Variants in PSMC5 observed in about 807,000 individuals in gnomAD.
PSMC5 encodes proteasome 26S subunit, ATPase 5.
A neutral mutation model predicts 49.1 loss-of-function variants in PSMC5; 11 were observed. That is an observed-to-expected ratio of 0.22 (90% CI 0.14 to 0.37). PSMC5 has a LOEUF of 0.37. PSMC5 is among the 10% of genes least tolerant of loss of function. The probability of loss-of-function intolerance (pLI) is 1.00; values close to 1 mark genes in which losing one functional copy is unlikely to be tolerated. For missense variants in PSMC5, 229 were observed against 520.9 expected (o/e 0.44, Z 5.45); for synonymous variants, 206 against 192.2 (o/e 1.07, Z -0.59).
rs758281110 is a variant in PSMC5, at chr17:63,831,277, G to A, written c.871-50G>A. 5.6e-6 allele frequency: 9 copies of A among 1,608,314 alleles called. No individual in the cohort carries two copies. In the East Asian group the frequency reaches 9.0e-5, roughly 16 times the overall value. On this transcript the variant is annotated intron_variant, in intron 8 of 11. Coordinates refer to ENST00000310144, the MANE Select transcript of PSMC5 (RefSeq NM_002805.6). The surrounding 1 kb of genome is among the most constrained non-coding windows in gnomAD (Gnocchi z 6.3). ...GGCCCAGGGAAGGCCTGGGTGCCAC[G>A]CAGGCTGAGGAAGAGGTTTAGCTGA...
In PSMC5 at chr17:63,827,534, G is replaced by T. The variant is rs76411035; in HGVS notation, c.24+20G>T. 6.6e-3 allele frequency: 10,189 copies of T among 1,551,498 alleles called. 559 individuals are homozygous for T. In the African/African-American group the frequency reaches 0.12, roughly 18 times the overall value. On this transcript the variant is annotated intron_variant, in intron 1 of 11. Coordinates refer to ENST00000310144, the MANE Select transcript of PSMC5 (RefSeq NM_002805.6). ...GAGCAGGTATGGCGGGTGCAGTGGC[G>T]GCCCGGCAGGTTACGGGGCTGGGTG... is the stretch of plus-strand genomic sequence containing the variant.
At chr17:63,828,465 C>A (rs563222489) in intron 2 of PSMC5, 34 of 352,076 alleles carry the variant, frequency 9.7e-5, no homozygotes, top group Admixed American at 9.7e-4. Flanking sequence ...AGTAAAGGTA[C>A]CTCTAGCCAA....
chr17:63,831,016 C>A lies in PSMC5; in HGVS notation c.680-20C>A. The A allele has an allele frequency of 6.3e-7, 1 of 1,592,380 alleles. No homozygotes were observed. The highest frequency in any genetic ancestry group is 8.6e-7 in the Non-Finnish European group (1 of 1,167,466). ...TAATAAGCTAATAAGCTCCCTAACA[C>A]CAGCTCGGCCTCCACACAGGGGCAA... On this transcript the variant is annotated intron_variant, in intron 7 of 11. Coordinates refer to ENST00000310144, the MANE Select transcript of PSMC5 (RefSeq NM_002805.6). The surrounding 1 kb of genome is among the most constrained non-coding windows in gnomAD (Gnocchi z 6.3).
In PSMC5 at chr17:63,830,465, T is replaced by C. The variant is rs370586480; in HGVS notation, c.516T>C (p.Pro172=). ...TGATCGAGCTGCCTGTTAAGCATCC[T>C]GAGCTCTTCGAAGCACTGGGCATTG... is the stretch of plus-strand genomic sequence containing the variant. ...KEVIELPVKH[P]ELFEALGIAQ... is the part of the protein sequence containing the mutation. The change falls in exon 6 of 12, where the codon CCT becomes CCC. Residue 172 remains proline (P), a synonymous_variant. Transcript: ENST00000310144. The surrounding 1 kb of genome is among the most constrained non-coding windows in gnomAD (Gnocchi z 4.0). 3 of 1,614,156 alleles carry C rather than the reference T, an allele frequency of 1.9e-6. No individual in the cohort carries two copies. Among genetic ancestry groups the C allele is most frequent in the Non-Finnish European group, 2.5e-6 (3 of 1,180,042 alleles).
chr17:63,828,083 G>A (rs974187913), intron 1 of PSMC5, 55 bp from the exon 2 acceptor site: 5 of 1,600,814 alleles, frequency 3.1e-6, no homozygotes, highest in African/African-American at 1.3e-5. Flanking sequence ...CCTGCAAGTG[G>A]CTTTACCCCC....
rs937504689 is a variant in PSMC5, at chr17:63,827,513, A to G, written c.23A>G (p.Gln8Arg). The change falls in exon 1 of 12, where the codon CAG (glutamine) becomes CGG (arginine). Residue 8 changes from glutamine (Q) to arginine (R), a missense_variant and splice_region_variant. Gln to Arg is a conservative substitution (Grantham distance 43). Transcript: ENST00000310144. MALDGPE[Q>R]MELEEGKAGS... is the part of the protein sequence containing the mutation. ...AAGATGGCGCTTGACGGACCAGAGC[A>G]GGTATGGCGGGTGCAGTGGCGGCCC... 6 of 1,551,630 alleles carry G rather than the reference A, an allele frequency of 3.9e-6. No individual in the cohort carries two copies. In the African/African-American group the frequency reaches 8.2e-5, roughly 21 times the overall value.
In PSMC5 at chr17:63,831,126, C is replaced by T. The variant is rs750595679; in HGVS notation, c.770C>T (p.Ser257Leu). ...FMDEIDSIGS[S>L]RLEGGSGGDS... Reference sequence around the variant, plus strand: ...GACGAAATCGACTCCATCGGCTCCTCGCGGCTGGAGGGGGGTTCTGGAGGG... The same window carrying T: ...GACGAAATCGACTCCATCGGCTCCTTGCGGCTGGAGGGGGGTTCTGGAGGG... The change falls in exon 8 of 12, where the codon TCG becomes TTG. Residue 257 changes from serine to leucine, a missense_variant. Transcript: ENST00000310144. This position sits in a 1 kb window ranked among gnomAD's most constrained non-coding sequence, Gnocchi z 6.3. 4 of 1,568,058 alleles carry T rather than the reference C, an allele frequency of 2.6e-6. No individual in the cohort carries two copies. The highest frequency in any genetic ancestry group is 2.2e-5 in the East Asian group (1 of 44,532).
At position 63,830,627 on chromosome 17, in the gene PSMC5, GAA is replaced by G; in HGVS notation, c.552+129_552+130del. 6 of 1,488,616 alleles carry G rather than the reference GAA, an allele frequency of 4.0e-6. No homozygotes were observed. Among genetic ancestry groups the G allele is most frequent in the African/African-American group, 1.4e-5 (1 of 71,766 alleles). 92.2% of individuals were successfully genotyped at this position (1,488,616 alleles called of 1,614,324 possible). A position where few individuals can be genotyped will look rare whatever the true frequency, so the allele number is the denominator to read the frequency against. ...TCTTGCTTGGGCTGGCCCTCCCCCT[GAA>G]AAGAGTGGCTGGGGAAGTGTTCCTA... On this transcript the variant is annotated intron_variant, in intron 6 of 11. Coordinates refer to ENST00000310144, the MANE Select transcript of PSMC5 (RefSeq NM_002805.6). This position sits in a 1 kb window ranked among gnomAD's most constrained non-coding sequence, Gnocchi z 4.0.
intron 2 of PSMC5, 45 bp from the exon 3 acceptor site, chr17:63,829,449 G>A: frequency 6.5e-7 from 1 of 1,536,344 alleles, no homozygotes; most frequent in Non-Finnish European, 8.8e-7. Context: ...ACCTCCTCCT[G>A]TCTCCTGCCC....
intron 4 of PSMC5, 50 bp downstream of exon 4, chr17:63,829,999 AC>A (rs1481457658): frequency 6.4e-7 from 1 of 1,574,102 alleles, no homozygotes; most frequent in South Asian, 1.2e-5. Flanking sequence ...CTGCATTCCC[AC>A]CCCTTTGTGT....
rs748758282 is a variant in PSMC5, at chr17:63,830,109, G to A, written c.265-24G>A. 1 of 1,609,972 alleles carries A rather than the reference G, an allele frequency of 6.2e-7. No individual in the cohort carries two copies. On this transcript the variant is annotated intron_variant, in intron 4 of 11. Transcript: ENST00000310144. This position sits in a 1 kb window ranked among gnomAD's most constrained non-coding sequence, Gnocchi z 4.0. ...TAGTGATTTGGTGGCTGTCAAGGAA[G>A]GTCATGAGCCCTTGTTTCTTTAGGT... is the stretch of plus-strand genomic sequence containing the variant.
In PSMC5 at chr17:63,831,565, C is replaced by T. The variant is rs777563834; in HGVS notation, c.1029C>T (p.Asn343=). 1.6e-5 allele frequency: 26 copies of T among 1,613,928 alleles called. No homozygotes were observed. In the South Asian group the frequency reaches 1.6e-4, roughly 10 times the overall value. The stretch of plus-strand genomic sequence containing the variant: ...AGATGAACCTGACCCGGGGGATCAA[C>T]CTGAGAAAAATTGCTGAGCTCATGC... ...SRKMNLTRGI[N]LRKIAELMPG... is the part of the protein sequence containing the mutation. Residue 343 remains asparagine, a synonymous_variant, in exon 10 of 12, where the codon AAC becomes AAT. Coordinates refer to ENST00000310144, the MANE Select transcript of PSMC5 (RefSeq NM_002805.6). The surrounding 1 kb of genome is among the most constrained non-coding windows in gnomAD (Gnocchi z 6.3).
In PSMC5 at chr17:63,830,402, T is replaced by A; in HGVS notation, c.453T>A (p.Ile151=). The A allele has an allele frequency of 1.2e-6, 2 of 1,614,232 alleles. No individual in the cohort carries two copies. The highest frequency in any genetic ancestry group is 2.7e-5 in the African/African-American group (2 of 75,044). The change falls in exon 6 of 12, where the codon ATT becomes ATA. Residue 151 remains isoleucine (I), a synonymous_variant. Coordinates refer to ENST00000310144, the MANE Select transcript of PSMC5 (RefSeq NM_002805.6). This position sits in a 1 kb window ranked among gnomAD's most constrained non-coding sequence, Gnocchi z 4.0. ...EKVPDSTYEM[I]GGLDKQIKEI... ...TACCAGATTCAACTTATGAGATGAT[T>A]GGTGGACTGGACAAACAGATCAAGG...
Position 63,831,680 on chromosome 17 carries a change from T to G in PSMC5, c.1081-44T>G. On this transcript the variant is annotated intron_variant, in intron 10 of 11. Coordinates refer to ENST00000310144, the MANE Select transcript of PSMC5 (RefSeq NM_002805.6). The surrounding 1 kb of genome is among the most constrained non-coding windows in gnomAD (Gnocchi z 6.3). The stretch of plus-strand genomic sequence containing the variant: ...AAGCTCTGGGCTCAAGGGCCACAGA[T>G]GAGGGGCACAGCAGTGGGGCCTCAA... 2 of 1,613,588 alleles carry G rather than the reference T, an allele frequency of 1.2e-6. No homozygotes were observed. The highest frequency in any genetic ancestry group is 1.7e-6 in the Non-Finnish European group (2 of 1,179,512).
At position 63,831,548 on chromosome 17, in the gene PSMC5, C is replaced by T. The variant is rs1261843399; in HGVS notation, c.1012C>T (p.Leu338=). 6.2e-7 allele frequency: 1 copy of T among 1,614,146 alleles called. No individual in the cohort carries two copies. Among genetic ancestry groups the T allele is most frequent in the East Asian group, 2.2e-5 (1 of 44,866 alleles). The change falls in exon 10 of 12, where the codon CTG becomes TTG. Residue 338 remains leucine (L), a synonymous_variant. Coordinates refer to ENST00000310144, the MANE Select transcript of PSMC5 (RefSeq NM_002805.6). This position sits in a 1 kb window ranked among gnomAD's most constrained non-coding sequence, Gnocchi z 6.3. ...GAAGATTCATTCTCGGAAGATGAAC[C>T]TGACCCGGGGGATCAACCTGAGAAA... The part of the protein sequence containing the change: ...ILKIHSRKMN[L]TRGINLRKIA...
At position 63,828,144 on chromosome 17, in the gene PSMC5, C is replaced by T. The variant is rs2040134771; in HGVS notation, c.31C>T (p.Leu11=). The T allele has an allele frequency of 6.2e-7, 1 of 1,613,954 alleles. No individual in the cohort carries two copies. Among genetic ancestry groups the T allele is most frequent in the African/African-American group, 1.3e-5 (1 of 74,886 alleles). Residue 11 remains leucine, a synonymous_variant, in exon 2 of 12, where the codon CTG becomes TTG. Coordinates refer to ENST00000310144, the MANE Select transcript of PSMC5 (RefSeq NM_002805.6). MALDGPEQME[L]EEGKAGSGLR... Reference sequence around the variant, plus strand: ...ACTCACTCTGTGTCTTCAGATGGAGCTGGAGGAGGGGAAGGCAGGCAGCGG... The same window carrying T: ...ACTCACTCTGTGTCTTCAGATGGAGTTGGAGGAGGGGAAGGCAGGCAGCGG...
intron 1 of PSMC5, chr17:63,827,731 T>C: frequency 1.4e-6 from 2 of 1,429,828 alleles, no homozygotes; most frequent in Non-Finnish European, 1.8e-6. Context: ...AGAAGCGGAG[T>C]GAGTGAGGGA....
rs776557303 is a variant in PSMC5, at chr17:63,828,126, CTG to C, written c.25-8_25-7del. On this transcript the variant is annotated splice_polypyrimidine_tract_variant and intron_variant, in intron 1 of 11. Transcript: ENST00000310144. ...TTTAACCTGTCGTTTAAGACTCACT[CTG>C]TGTCTTCAGATGGAGCTGGAGGAGG... 51 of 1,613,832 alleles carry C rather than the reference CTG, an allele frequency of 3.2e-5. No individual in the cohort carries two copies. The East Asian group carries it at 1.0e-3, about 32-fold the overall frequency.
intron 3 of PSMC5, 31 bp downstream of exon 3, chr17:63,829,594 G>A (rs1383713260): frequency 2.6e-6 from 4 of 1,549,942 alleles, no homozygotes; most frequent in Non-Finnish European, 3.5e-6. Flanking sequence ...AGCCGCATGT[G>A]GGCAGTTTGT....
Sources: gnomAD v4.1 joint callset for allele counts on GRCh38, gnomAD v4.1.1 for gene constraint, Gnocchi (gnomAD v3.1) non-coding constraint, MANE v1.5 for transcripts, NCBI Gene and HGNC (gene_info 2026-07-23, HGNC 2026-07-21) for gene names.